The following OXCT1 variants were observed in gnomAD, a reference collection of about 807,000 sequenced individuals.
The protein encoded by OXCT1 is 3-oxoacid CoA-transferase 1.
In OXCT1, 27 loss-of-function variants were observed where a neutral mutation model predicts 69.6. That is an observed-to-expected ratio of 0.39 (90% CI 0.29 to 0.54). The LOEUF (loss-of-function observed/expected upper bound fraction) is 0.54, where lower values mean the gene tolerates loss of function less well. Ranked by LOEUF, OXCT1 falls within the 20% of genes least tolerant of loss-of-function variation. The probability of loss-of-function intolerance (pLI) is 0.72; values close to 1 mark genes in which losing one functional copy is unlikely to be tolerated. For synonymous variants in OXCT1, 202 were observed against 217.8 expected, an observed-to-expected ratio of 0.93 and a Z score of 0.64; for missense variants, 437 against 650.2, an observed-to-expected ratio of 0.67 and a Z score of 3.57.
At chr5:41,759,998 C>T (rs1379963503) in intron 14 of OXCT1, among the ~76,000 whole-genome samples, 2 of 152,110 alleles carry the variant, frequency 1.3e-5, no homozygotes, top group South Asian at 2.1e-4. Context: ...CCTGGCATAT[C>T]TAAAAGAACA....
chr5:41,849,371 C>T (rs1016971412), intron 5 of OXCT1, among the ~76,000 whole-genome samples: 6 of 152,146 alleles, frequency 3.9e-5, no homozygotes, highest in East Asian at 1.9e-4. Context: ...TAAAAAATAC[C>T]GTAATGAAAT....
At chr5:41,831,641 T>C (rs1235103886) in intron 7 of OXCT1, among the ~76,000 whole-genome samples, 1 of 152,100 alleles carries the variant, frequency 6.6e-6, no homozygotes, top group Non-Finnish European at 1.5e-5. Context: ...TTAAACTATC[T>C]TTGCACTGTA....
chr5:41,836,596 T>G (rs1020030081), intron 7 of OXCT1, among the ~76,000 whole-genome samples: 1 of 152,128 alleles, frequency 6.6e-6, no homozygotes, highest in Non-Finnish European at 1.5e-5. Context: ...GACGTGGTTT[T>G]GGGATGAAAC....
intron 13 of OXCT1, among the ~76,000 whole-genome samples, chr5:41,774,497 G>T (rs1745030431): frequency 6.6e-6 from 1 of 152,138 alleles, no homozygotes; most frequent in East Asian, 1.9e-4. Context: ...CAGAAAGTAA[G>T]GAAGTGCTCA....
intron 14 of OXCT1, among the ~76,000 whole-genome samples, chr5:41,750,743 T>G (rs1743740365): frequency 6.6e-6 from 1 of 152,050 alleles, no homozygotes; most frequent in African/African-American, 2.4e-5. Flanking sequence ...TGGACTCCAT[T>G]AAGATTTCAT....
intron 13 of OXCT1, among the ~76,000 whole-genome samples, chr5:41,779,975 ATAAAG>A (rs1399571645): frequency 1.3e-5 from 2 of 152,192 alleles, no homozygotes; most frequent in African/African-American, 2.4e-5. Flanking sequence ...AGGACTGCAA[ATAAAG>A]TAAACATTTG....
intron 16 of OXCT1, among the ~76,000 whole-genome samples, 161 bp downstream of exon 16, chr5:41,739,229 C>G (rs1229130290): frequency 1.3e-5 from 2 of 152,138 alleles, no homozygotes; most frequent in Admixed American, 1.3e-4. Context: ...AGCTCTGTTC[C>G]CACCTGCTCT....
intron 7 of OXCT1, among the ~76,000 whole-genome samples, chr5:41,813,626 G>A (rs537891871): frequency 1.3e-5 from 2 of 152,146 alleles, no homozygotes; most frequent in South Asian, 4.1e-4. Flanking sequence ...AGGGGCAAGG[G>A]TTTGGGTGCA....
Position 41,767,186 on chromosome 5 carries a change from T to C in OXCT1, c.1249-4986A>G, listed in dbSNP as rs1011474456. Among the ~76,000 whole-genome samples the C allele has an allele frequency of 6.6e-5, 10 of 152,198 alleles. 1 individual carries two copies. Among genetic ancestry groups the C allele is most frequent in the African/African-American group, 2.4e-4 (10 of 41,464 alleles). On this transcript the variant is annotated intron_variant, in intron 13 of 16. Coordinates refer to ENST00000196371, the MANE Select transcript of OXCT1 (RefSeq NM_000436.4). ...ATAAGAGACTTAAAATTTGCCTTAG[T>C]ATAGCAGTTATAGCACAGTTACATG... is the stretch of plus-strand genomic sequence containing the variant.
At chr5:41,740,202 C>A (rs1375108683) in intron 15 of OXCT1, among the ~76,000 whole-genome samples, 1 of 152,012 alleles carries the variant, frequency 6.6e-6, no homozygotes, top group Non-Finnish European at 1.5e-5. Flanking sequence ...GGTGAAAGCA[C>A]ATGAATGACA....
intron 6 of OXCT1, among the ~76,000 whole-genome samples, chr5:41,842,076 T>C (rs1051619360): frequency 6.6e-6 from 1 of 152,198 alleles, no homozygotes; most frequent in African/African-American, 2.4e-5. Context: ...AAAACAACTA[T>C]ATAAATCTAT....
At chr5:41,850,215 A>G in intron 4 of OXCT1, 36 bp from the exon 5 acceptor site, 1 of 1,611,302 alleles carries the variant, frequency 6.2e-7, no homozygotes, top group Admixed American at 1.7e-5. Context: ...TAAGTTCACT[A>G]AGCACACTTC....
At chr5:41,753,489 C>T (rs1301425601) in intron 14 of OXCT1, among the ~76,000 whole-genome samples, 1 of 152,130 alleles carries the variant, frequency 6.6e-6, no homozygotes, top group East Asian at 1.9e-4. Context: ...GGAACACATA[C>T]CACCACATAC....
At chr5:41,747,507 T>C (rs912132753) in intron 15 of OXCT1, among the ~76,000 whole-genome samples, 8 of 152,064 alleles carry the variant, frequency 5.3e-5, no homozygotes, top group Non-Finnish European at 8.8e-5. Context: ...TTCAGTATAG[T>C]GGTTTGTGCT....
At chr5:41,859,014 A>C (rs2112464422) in intron 3 of OXCT1, among the ~76,000 whole-genome samples, 1 of 152,328 alleles carries the variant, frequency 6.6e-6, no homozygotes, top group East Asian at 1.9e-4. Flanking sequence ...AAAATTCATA[A>C]GTTTTAAGTT....
At chr5:41,736,760 T>C (rs1742903254) in intron 16 of OXCT1, among the ~76,000 whole-genome samples, 1 of 152,190 alleles carries the variant, frequency 6.6e-6, no homozygotes, top group African/African-American at 2.4e-5. Context: ...CTTTTTTTCT[T>C]TATGAGGCAA....
At chr5:41,869,294 G>A (rs1750160785) in intron 1 of OXCT1, among the ~76,000 whole-genome samples, 1 of 152,230 alleles carries the variant, frequency 6.6e-6, no homozygotes, top group South Asian at 2.1e-4. Context: ...AGCACCGTGT[G>A]CATGGCACGC....
intron 10 of OXCT1, 77 bp from the exon 11 acceptor site, chr5:41,801,147 A>T: frequency 1.8e-6 from 2 of 1,127,454 alleles, no homozygotes; most frequent in Non-Finnish European, 1.3e-6. Context: ...AATATAAATA[A>T]CTTCCCTAAA....
chr5:41,847,248 A>G (rs1561125880), intron 5 of OXCT1, among the ~76,000 whole-genome samples: 1 of 152,060 alleles, frequency 6.6e-6, no homozygotes, highest in Non-Finnish European at 1.5e-5. Context: ...TGAATCTCTG[A>G]ATAGACCAAT....
Sources: allele counts gnomAD v4.1 joint callset (sites outside exome capture counted in the v4.1 genomes callset), GRCh38; gene constraint gnomAD v4.1.1; transcripts MANE v1.5; gene names NCBI Gene and HGNC (gene_info 2026-07-23, HGNC 2026-07-21).